Variants in ANKRD27 observed in about 807,000 individuals in gnomAD.
ANKRD27 encodes the protein ankyrin repeat domain 27.
A neutral mutation model predicts 129.7 loss-of-function variants in ANKRD27; 112 were observed. That is an observed-to-expected ratio of 0.86 (90% CI 0.74 to 1.01). ANKRD27 has a LOEUF of 1.01. Among genes scored for constraint, ANKRD27 ranks in the 50% least tolerant of loss-of-function variants. The probability of loss-of-function intolerance (pLI) is 0.00; values close to 1 mark genes in which losing one functional copy is unlikely to be tolerated. For synonymous variants in ANKRD27, 516 were observed against 511.2 expected (o/e 1.01, Z -0.13); for missense variants, 1,258 against 1,300.5 (o/e 0.97, Z 0.50).
chr19:32,620,390 C>A (rs1371360397), intron 18 of ANKRD27, among the ~76,000 whole-genome samples: 5 of 150,402 alleles, frequency 3.3e-5, no homozygotes, highest in Non-Finnish European at 7.4e-5. Context: ...GAAACCCCAT[C>A]TCTAATAAAA....
chr19:32,631,321 CCCTGATGGATTTTA>C (rs1178248856), intron 13 of ANKRD27, 67 bp downstream of exon 13: 1 of 1,346,070 alleles, frequency 7.4e-7, no homozygotes, highest in Non-Finnish European at 1.1e-6. Flanking sequence ...GCCTGGCCAA[CCCTGATGGATTTTA>C]TAGAGGCACC....
intron 22 of ANKRD27, among the ~76,000 whole-genome samples, chr19:32,611,871 G>A (rs1160538001): frequency 2.6e-5 from 4 of 152,160 alleles, no homozygotes; most frequent in South Asian, 2.1e-4. Context: ...GTGAGCCATC[G>A]TGCCCGGCCA....
rs1482973318 is a variant in ANKRD27, at chr19:32,626,783, C to T, written c.1465G>A (p.Val489Ile). 1.2e-6 allele frequency: 2 copies of T among 1,612,300 alleles called. No homozygotes were observed. Among genetic ancestry groups the T allele is most frequent in the South Asian group, 2.2e-5 (2 of 90,654 alleles). Residue 489 changes from valine (V) to isoleucine (I), a missense_variant, in exon 16 of 29, where the codon GTA becomes ATA. Physicochemically the swap from Val to Ile is conservative, Grantham distance 29. Transcript: ENST00000306065. ...IDLLVSKGAM[V>I]NATDYHGATP... ...GCTCCATGGTAGTCTGTGGCATTTA[C>T]CATGGCGCCCTTGGAAACCAGGAGG...
At chr19:32,660,730 T>C (rs891233237) in intron 1 of ANKRD27, among the ~76,000 whole-genome samples, 2 of 108,504 alleles carry the variant, frequency 1.8e-5, no homozygotes, top group African/African-American at 5.1e-5. Context: ...TGGGCTGAGA[T>C]AGTCTATGAG....
intron 20 of ANKRD27, 139 bp downstream of exon 20, chr19:32,619,121 A>G: frequency 8.3e-7 from 1 of 1,200,638 alleles, no homozygotes; most frequent in Non-Finnish European, 1.2e-6. Flanking sequence ...AACCTCGGCC[A>G]CCACAGAGCA....
intron 26 of ANKRD27, among the ~76,000 whole-genome samples, chr19:32,600,476 G>A (rs1267276720): frequency 6.6e-6 from 1 of 152,168 alleles, no homozygotes; most frequent in Admixed American, 6.5e-5. Flanking sequence ...AGGAGGCAGA[G>A]GTTGCAGTGA....
At chr19:32,649,889 C>T (rs577344352) in intron 2 of ANKRD27, 97 bp from the exon 3 acceptor site, 72 of 807,072 alleles carry the variant, frequency 8.9e-5, no homozygotes, top group African/African-American at 8.1e-4. Context: ...GGACACACAG[C>T]GGGACCTGCT....
At chr19:32,613,445 C>A (rs1217500336) in intron 22 of ANKRD27, among the ~76,000 whole-genome samples, 1 of 152,168 alleles carries the variant, frequency 6.6e-6, no homozygotes, top group African/African-American at 2.4e-5. Flanking sequence ...GGCACTTATC[C>A]TAGAAAAATG....
chr19:32,610,524 G>A (rs1032561493), intron 22 of ANKRD27, among the ~76,000 whole-genome samples: 2 of 150,804 alleles, frequency 1.3e-5, no homozygotes, highest in Non-Finnish European at 3.0e-5. Context: ...AAGCGCAGTG[G>A]CTCATGCCTA....
intron 12 of ANKRD27, chr19:32,637,856 C>G (rs1170362726): frequency 6.6e-6 from 1 of 152,332 alleles, no homozygotes; most frequent in Non-Finnish European, 1.5e-5. Flanking sequence ...GCAACCCAGC[C>G]ATGTGTGCAC....
rs115900471 is a variant in ANKRD27, at chr19:32,642,505, G to C, written c.783-360C>G. Among the ~76,000 whole-genome samples the C allele has an allele frequency of 7.2e-3, 1,103 of 152,206 alleles. 15 individuals carry two copies. The highest frequency in any genetic ancestry group is 0.025 in the African/African-American group (1,039 of 41,532). ...CTGTAATCCCAGCACTTGTAAACCA[G>C]GGTGGGCAGATCACTTGAGGTCAGG... On this transcript the variant is annotated intron_variant, in intron 9 of 28. Coordinates refer to ENST00000306065, the MANE Select transcript of ANKRD27 (RefSeq NM_032139.3).
intron 2 of ANKRD27, 55 bp downstream of exon 2, chr19:32,658,856 TACC>T: frequency 7.3e-7 from 1 of 1,367,306 alleles, no homozygotes; most frequent in South Asian, 1.2e-5. Flanking sequence ...AGCCTTAGTC[TACC>T]ACGTCTCTGG....
At position 32,597,569 on chromosome 19, in the gene ANKRD27, C is replaced by T. The variant is rs1204433764; in HGVS notation, c.*576G>A. Reference sequence around the variant, plus strand: ...TGATGTGGAACAGGTCTGATGCATCCTTTCACTAAAATGAATATCAAAATG... The same window carrying T: ...TGATGTGGAACAGGTCTGATGCATCTTTTCACTAAAATGAATATCAAAATG... On this transcript the variant is annotated 3_prime_UTR_variant, in exon 29 of 29. Coordinates refer to ENST00000306065, the MANE Select transcript of ANKRD27 (RefSeq NM_032139.3). 6.3e-6 allele frequency: 1 copy of T among 158,862 alleles called. No homozygotes were observed. Among genetic ancestry groups the T allele is most frequent in the Non-Finnish European group, 1.4e-5 (1 of 71,148 alleles). The allele number at this position is 158,862 out of a possible 1,614,324, so 9.8% of individuals were successfully genotyped here.
intron 12 of ANKRD27, chr19:32,638,985 G>C (rs1012681536): frequency 2.7e-6 from 1 of 364,956 alleles, no homozygotes; most frequent in African/African-American, 2.1e-5. Flanking sequence ...ACCAGCCACA[G>C]AGGTTTCCGG....
intron 15 of ANKRD27, 97 bp downstream of exon 15, chr19:32,627,986 C>A (rs1309321394): frequency 1.7e-5 from 19 of 1,140,678 alleles, no homozygotes; most frequent in Non-Finnish European, 2.3e-5. Flanking sequence ...AACTGCCAAC[C>A]CCCACCCAGC....
rs528128089 is a variant in ANKRD27, at chr19:32,675,145, T to A, written c.-105A>T. On this transcript the variant is annotated 5_prime_UTR_variant, in exon 1 of 29. Coordinates refer to ENST00000306065, the MANE Select transcript of ANKRD27 (RefSeq NM_032139.3). The stretch of plus-strand genomic sequence containing the variant: ...ACCTCCCTCGTCCGCTGCTGGGACC[T>A]CGATGCCCACCACCCTCGCGCGGCG... 2.0e-4 allele frequency: 30 copies of A among 152,444 alleles called. No homozygotes were observed. The East Asian group carries it at 5.6e-3, about 29-fold the overall frequency. The allele number at this position is 152,444 out of a possible 1,614,324, so 9.4% of individuals were successfully genotyped here. A position where few individuals can be genotyped will look rare whatever the true frequency, so the allele number is the denominator to read the frequency against.
At chr19:32,667,827 C>T (rs1298180115) in intron 1 of ANKRD27, among the ~76,000 whole-genome samples, 5 of 109,826 alleles carry the variant, frequency 4.6e-5, no homozygotes, top group Non-Finnish European at 9.1e-5. Flanking sequence ...AGTGAAACTC[C>T]GTCTCAAAAA....
rs142108662 is a variant in ANKRD27, at chr19:32,602,358, G to A, written c.2656-232C>T. Among the ~76,000 whole-genome samples the A allele has an allele frequency of 8.6e-5, 13 of 152,032 alleles. No homozygotes were observed. In the East Asian group the frequency reaches 2.1e-3, roughly 25 times the overall value. The stretch of plus-strand genomic sequence containing the variant: ...GCTCTGCCCTCTCTGTGGACTCCAC[G>A]CTGGGGATTCAACCACTCCATGCAA... On this transcript the variant is annotated intron_variant, in intron 25 of 28. Coordinates refer to ENST00000306065, the MANE Select transcript of ANKRD27 (RefSeq NM_032139.3).
At chr19:32,668,118 T>C (rs1352035344) in intron 1 of ANKRD27, among the ~76,000 whole-genome samples, 1 of 152,162 alleles carries the variant, frequency 6.6e-6, no homozygotes, top group Non-Finnish European at 1.5e-5. Context: ...TACCAGGCAC[T>C]GCAATAACTT....
Sources: gnomAD v4.1 joint callset for allele counts (sites outside exome capture counted in the v4.1 genomes callset) on GRCh38, gnomAD v4.1.1 for gene constraint, MANE v1.5 for transcripts, NCBI Gene and HGNC (gene_info 2026-07-23, HGNC 2026-07-21) for gene names.